Variants in SCFD2 observed in about 807,000 individuals in gnomAD.
The protein encoded by SCFD2 is sec1 family domain containing 2.
Under a neutral mutation model 58.9 loss-of-function variants are expected in SCFD2, and 54 were observed. The observed-to-expected ratio is 0.92, with a 90% CI of 0.74 to 1.15. The LOEUF is 1.15. Ranked by LOEUF, SCFD2 falls within the 50% of genes most tolerant of loss-of-function variation. The pLI is 0.00. For synonymous variants in SCFD2, 321 were observed against 335.9 expected (o/e 0.96, Z 0.49); for missense variants, 805 against 836.6 (o/e 0.96, Z 0.47).
intron 6 of SCFD2, among the ~76,000 whole-genome samples, chr4:52,920,235 C>T (rs1719702905): frequency 6.6e-6 from 1 of 152,192 alleles, no homozygotes; most frequent in South Asian, 2.1e-4. Context: ...GGTCCTCCTG[C>T]CCTCCTTTGA....
chr4:53,160,785 A>G (rs973537278), intron 4 of SCFD2, among the ~76,000 whole-genome samples: 2 of 152,208 alleles, frequency 1.3e-5, no homozygotes, highest in Admixed American at 1.3e-4. Context: ...GTTAATCTCA[A>G]AGTATCAACG....
At chr4:53,218,532 T>G (rs1248472097) in intron 4 of SCFD2, among the ~76,000 whole-genome samples, 2 of 152,186 alleles carry the variant, frequency 1.3e-5, no homozygotes, top group Non-Finnish European at 2.9e-5. Context: ...TTATTCTAGT[T>G]AGGCATTCAT....
intron 7 of SCFD2, among the ~76,000 whole-genome samples, chr4:52,890,943 C>CTTT (rs1718865476): frequency 1.3e-5 from 2 of 152,140 alleles, no homozygotes; most frequent in Admixed American, 1.3e-4. Context: ...CTCCTCCACT[C>CTTT]AGTTTCTCTT....
At chr4:53,120,108 G>A (rs1725437415) in intron 5 of SCFD2, among the ~76,000 whole-genome samples, 1 of 152,094 alleles carries the variant, frequency 6.6e-6, no homozygotes, top group Non-Finnish European at 1.5e-5. Flanking sequence ...AAAGGGCTGT[G>A]CAATTCTCAA....
intron 2 of SCFD2, among the ~76,000 whole-genome samples, chr4:53,346,864 C>T (rs1176792828): frequency 6.6e-6 from 1 of 152,164 alleles, no homozygotes; most frequent in African/African-American, 2.4e-5. Flanking sequence ...GAGAACCCTA[C>T]CTTAAGCTAG....
intron 4 of SCFD2, among the ~76,000 whole-genome samples, chr4:53,163,431 AGAG>A (rs1395310518): frequency 6.6e-6 from 1 of 152,196 alleles, no homozygotes; most frequent in Non-Finnish European, 1.5e-5. Context: ...GCATTTAAAA[AGAG>A]GAGAAGAGGC....
chr4:53,231,352 A>C (rs1265285481), intron 4 of SCFD2, among the ~76,000 whole-genome samples: 2 of 152,122 alleles, frequency 1.3e-5, no homozygotes, highest in Non-Finnish European at 2.9e-5. Flanking sequence ...CCTTGCTGTC[A>C]AAGCATGGCG....
Position 53,273,940 on chromosome 4 carries a change from A to G in SCFD2, c.1197T>C (p.Ala399=), listed in dbSNP as rs747599867. The G allele has an allele frequency of 5.4e-5, 87 of 1,613,744 alleles. No individual in the cohort carries two copies. Among genetic ancestry groups the G allele is most frequent in the Middle Eastern group, 1.6e-4 (1 of 6,076 alleles). ...YIQLFKNNLK[A]LMNHCGLLQL... is the part of the protein sequence containing the mutation. ...GGAGGAGGCCACAATGATTCATTAG[A>G]GCTTTGAGGTTGTTCTTGAAGAGCT... Residue 399 remains alanine, a synonymous_variant, in exon 4 of 9, where the codon GCT becomes GCC. Transcript: ENST00000401642.
At chr4:53,115,051 C>T (rs1357033657) in intron 5 of SCFD2, among the ~76,000 whole-genome samples, 1 of 151,810 alleles carries the variant, frequency 6.6e-6, no homozygotes, top group East Asian at 1.9e-4. Context: ...CCCCAAAGAA[C>T]ACAGGAAAGG....
chr4:53,280,244 G>A lies in SCFD2; in HGVS notation c.1136-6243C>T, dbSNP rs180983338. Among the ~76,000 whole-genome samples the A allele has an allele frequency of 4.0e-3, 616 of 152,198 alleles. 1 individual carries two copies. Among genetic ancestry groups the A allele is most frequent in the Non-Finnish European group, 5.4e-3 (366 of 68,010 alleles). Reference sequence around the variant, plus strand: ...GAAATTTTATCTAGAGGCCAGGCACGGTGGCTCACGCCTGTAATCCCAGCA... The same window carrying A: ...GAAATTTTATCTAGAGGCCAGGCACAGTGGCTCACGCCTGTAATCCCAGCA... On this transcript the variant is annotated intron_variant, in intron 3 of 8. Coordinates refer to ENST00000401642, the MANE Select transcript of SCFD2 (RefSeq NM_152540.4).
At chr4:53,290,850 G>A (rs1178315123) in intron 3 of SCFD2, among the ~76,000 whole-genome samples, 1 of 152,014 alleles carries the variant, frequency 6.6e-6, no homozygotes, top group Non-Finnish European at 1.5e-5. Context: ...GGATAACCTA[G>A]AGAAAATTGA....
At chr4:52,924,237 T>C (rs1719811720) in intron 5 of SCFD2, among the ~76,000 whole-genome samples, 1 of 152,214 alleles carries the variant, frequency 6.6e-6, no homozygotes, top group South Asian at 2.1e-4. Flanking sequence ...TACTAGATTA[T>C]ACAGTATTTA....
At chr4:53,097,379 C>G (rs147751863) in intron 5 of SCFD2, among the ~76,000 whole-genome samples, 3,961 of 152,242 alleles carry the variant, frequency 0.026, 166 homozygotes, top group African/African-American at 0.09. Flanking sequence ...TTTGTGTCCT[C>G]TTTTATTTCA....
At chr4:53,155,057 T>C (rs1271785757) in intron 4 of SCFD2, among the ~76,000 whole-genome samples, 2 of 152,226 alleles carry the variant, frequency 1.3e-5, no homozygotes, top group Non-Finnish European at 2.9e-5. Context: ...AAATCCGTTG[T>C]TGTGTTAAGC....
At chr4:53,237,933 G>A (rs1219410838) in intron 4 of SCFD2, among the ~76,000 whole-genome samples, 16 of 125,706 alleles carry the variant, frequency 1.3e-4, no homozygotes, top group Admixed American at 3.7e-4. Context: ...CTTCCGGACG[G>A]GGCGGCTGGC....
At chr4:53,036,051 T>A (rs1722750918) in intron 5 of SCFD2, among the ~76,000 whole-genome samples, 1 of 151,924 alleles carries the variant, frequency 6.6e-6, no homozygotes, top group South Asian at 2.1e-4. Context: ...TTATTTTATT[T>A]TATTTTATTT....
chr4:53,222,092 T>G (rs921524953), intron 4 of SCFD2, among the ~76,000 whole-genome samples: 12 of 152,250 alleles, frequency 7.9e-5, no homozygotes, highest in African/African-American at 2.4e-4. Flanking sequence ...GCTAACACTG[T>G]GAAAATCTGT....
At chr4:53,266,221 T>G (rs1453088584) in intron 4 of SCFD2, among the ~76,000 whole-genome samples, 2 of 152,178 alleles carry the variant, frequency 1.3e-5, no homozygotes, top group Non-Finnish European at 2.9e-5. Context: ...TTAATAAATT[T>G]TAATTTAGGA....
chr4:53,316,070 C>T (rs1431679637), intron 2 of SCFD2, among the ~76,000 whole-genome samples: 2 of 152,170 alleles, frequency 1.3e-5, no homozygotes, highest in African/African-American at 4.8e-5. Context: ...TAAAACATCA[C>T]CTTATCAGAG....
Sources: allele counts gnomAD v4.1 joint callset (sites outside exome capture counted in the v4.1 genomes callset), GRCh38; gene constraint gnomAD v4.1.1; transcripts MANE v1.5; gene names NCBI Gene and HGNC (gene_info 2026-07-23, HGNC 2026-07-21).